The following DCBLD1 variants were observed in gnomAD, a reference collection of about 807,000 sequenced individuals.
DCBLD1 encodes discoidin, CUB and LCCL domain containing 1.
Under a neutral mutation model 71.5 loss-of-function variants are expected in DCBLD1, and 57 were observed. The ratio of observed to expected loss-of-function variants is 0.80; its 90% CI spans 0.64 to 0.99. DCBLD1 has a LOEUF of 0.99. Among genes scored for constraint, DCBLD1 ranks in the 50% least tolerant of loss-of-function variants. The probability of loss-of-function intolerance (pLI) is 0.00; values close to 1 mark genes in which losing one functional copy is unlikely to be tolerated. For missense variants in DCBLD1, 891 were observed against 923.5 expected (o/e 0.96, Z 0.46); for synonymous variants, 380 against 363.8 (o/e 1.04, Z -0.51).
chr6:117,493,825 A>G (rs76520220), intron 1 of DCBLD1, among the ~76,000 whole-genome samples: 4,644 of 152,232 alleles, frequency 0.031, 84 homozygotes, highest in Non-Finnish European at 0.037. Context: ...CAGAATAGAG[A>G]TAATAGGAGG....
intron 2 of DCBLD1, among the ~76,000 whole-genome samples, chr6:117,504,790 A>G (rs1319574262): frequency 6.6e-6 from 1 of 152,196 alleles, no homozygotes; most frequent in Non-Finnish European, 1.5e-5. Context: ...ACAATTTGAA[A>G]ACGATAACAA....
rs532621496 is a variant in DCBLD1 at position 117,492,506 on chromosome 6, G to C, written c.112+9613G>C. Among the ~76,000 whole-genome samples, 22 of 152,244 alleles carry C rather than the reference G, an allele frequency of 1.4e-4. No homozygotes were observed. In the South Asian group the frequency reaches 4.4e-3, roughly 30 times the overall value. ...AAAAAGTTAGAAAAGAAGTCATAGGGGAACACAGTTTGAGGGAGTTACTTA... is the reference window on the plus strand; with the variant it reads ...AAAAAGTTAGAAAAGAAGTCATAGGCGAACACAGTTTGAGGGAGTTACTTA... On this transcript the variant is annotated intron_variant, in intron 1 of 14. Coordinates refer to ENST00000338728, the MANE Select transcript of DCBLD1 (RefSeq NM_001366458.2).
At chr6:117,544,459 T>A (rs752603273) in intron 12 of DCBLD1, 69 bp from the exon 13 acceptor site, 61 of 1,513,104 alleles carry the variant, frequency 4.0e-5, no homozygotes, top group Non-Finnish European at 5.3e-5. Context: ...ATGATCCTTA[T>A]GTTATATAGG....
intron 7 of DCBLD1, among the ~76,000 whole-genome samples, chr6:117,537,870 C>T (rs1778953306): frequency 1.3e-5 from 2 of 151,280 alleles, no homozygotes; most frequent in Admixed American, 1.3e-4. Context: ...AAACTTTTGC[C>T]AAAAAGAATA....
chr6:117,568,026 CA>C (rs779227271), intron 14 of DCBLD1, among the ~76,000 whole-genome samples: 1,320 of 46,660 alleles, frequency 0.028, 22 homozygotes, highest in African/African-American at 0.081. Context: ...CCCATCTCTA[CA>C]AAAAAAAAAA....
At chr6:117,516,685 A>G (rs1197267198) in intron 2 of DCBLD1, among the ~76,000 whole-genome samples, 1 of 152,198 alleles carries the variant, frequency 6.6e-6, no homozygotes, top group African/African-American at 2.4e-5. Flanking sequence ...TGGGCAATTT[A>G]CAAAAGGTTT....
At chr6:117,513,294 G>A (rs935857696) in intron 2 of DCBLD1, among the ~76,000 whole-genome samples, 1 of 152,188 alleles carries the variant, frequency 6.6e-6, no homozygotes, top group Admixed American at 6.5e-5. Flanking sequence ...AACAGGGAAT[G>A]TGCTGAGAGG....
chr6:117,548,129 A>C lies in DCBLD1; in HGVS notation c.1838A>C (p.His613Pro), dbSNP rs1319837041. The change falls in exon 15 of 15, where the codon CAC (histidine) becomes CCC (proline). Residue 613 changes from histidine (H) to proline (P), a missense_variant. His to Pro is a moderately conservative substitution (Grantham distance 77). Coordinates refer to ENST00000338728, the MANE Select transcript of DCBLD1 (RefSeq NM_001366458.2). Reference protein sequence around the residue: ...PIVERHVLRAHTFSAQSGYRV... With the variant: ...PIVERHVLRAPTFSAQSGYRV... Reference sequence around the variant, plus strand: ...GTGGAGCGGCACGTGCTGCGCGCCCACACGTTCTCTGCGCAGAGCGGCTAC... The same window carrying C: ...GTGGAGCGGCACGTGCTGCGCGCCCCCACGTTCTCTGCGCAGAGCGGCTAC... The C allele has an allele frequency of 1.3e-6, 2 of 1,549,878 alleles. No individual in the cohort carries two copies. The highest frequency in any genetic ancestry group is 1.7e-6 in the Non-Finnish European group (2 of 1,146,662).
intron 2 of DCBLD1, among the ~76,000 whole-genome samples, chr6:117,511,633 A>G (rs1417826029): frequency 6.6e-6 from 1 of 152,222 alleles, no homozygotes; most frequent in East Asian, 1.9e-4. Flanking sequence ...TCTGCATGTC[A>G]TTTTTTAGAA....
chr6:117,515,242 C>G (rs1390992493), intron 2 of DCBLD1, among the ~76,000 whole-genome samples: 1 of 151,960 alleles, frequency 6.6e-6, no homozygotes, highest in Admixed American at 6.6e-5. Context: ...AGGCTAGTCT[C>G]GAACTCCTGA....
chr6:117,519,852 T>C lies in DCBLD1; in HGVS notation c.362T>C (p.Leu121Pro), dbSNP rs1340097513. ...YCGSMTVPKE[L>P]LLNTSEVTVR... ...GGAAGTATGACTGTTCCCAAAGAAC[T>C]CTTGTTGAACACAAGTGAAGTAACC... is the stretch of plus-strand genomic sequence containing the variant. Residue 121 changes from leucine (L) to proline (P), a missense_variant, in exon 3 of 15, where the codon CTC becomes CCC. Leu to Pro is a moderately conservative substitution (Grantham distance 98). Coordinates refer to ENST00000338728, the MANE Select transcript of DCBLD1 (RefSeq NM_001366458.2). 6.2e-7 allele frequency: 1 copy of C among 1,614,160 alleles called. No individual in the cohort carries two copies. Among genetic ancestry groups the C allele is most frequent in the East Asian group, 2.2e-5 (1 of 44,880 alleles).
At position 117,548,644 on chromosome 6, in the gene DCBLD1, G is replaced by A. The variant is rs1055910251; in HGVS notation, c.*205G>A. The stretch of plus-strand genomic sequence containing the variant: ...AGCTGGTTTCGTGCTGACCCTTAGG[G>A]TGCGTCTGTTGGGTTTTGTTGGGCT... On this transcript the variant is annotated 3_prime_UTR_variant, in exon 15 of 15. Coordinates refer to ENST00000338728, the MANE Select transcript of DCBLD1 (RefSeq NM_001366458.2). The A allele has an allele frequency of 7.0e-7, 1 of 1,424,286 alleles. No homozygotes were observed. The highest frequency in any genetic ancestry group is 1.4e-5 in the African/African-American group (1 of 69,388). The allele number at this position is 1,424,286 out of a possible 1,614,324, so 88.2% of individuals were successfully genotyped here. A position where few individuals can be genotyped will look rare whatever the true frequency, so the allele number is the denominator to read the frequency against.
intron 6 of DCBLD1, among the ~76,000 whole-genome samples, chr6:117,535,081 G>T (rs1036616680): frequency 6.6e-6 from 1 of 152,174 alleles, no homozygotes; most frequent in Non-Finnish European, 1.5e-5. Flanking sequence ...TACTCCTGGG[G>T]AAACACTGTA....
At chr6:117,539,456 T>C in intron 9 of DCBLD1, 77 bp downstream of exon 9, 1 of 1,453,116 alleles carries the variant, frequency 6.9e-7, no homozygotes, top group South Asian at 1.4e-5. Flanking sequence ...GTGTTTACAT[T>C]AAATATCTCA....
chr6:117,554,891 CAA>C lies in DCBLD1; in HGVS notation c.1615+9309_1615+9310del, dbSNP rs34693828. Among the ~76,000 whole-genome samples the C allele has an allele frequency of 2.4e-3, 327 of 137,502 alleles. 1 individual carries two copies. The highest frequency in any genetic ancestry group is 2.4e-3 in the Admixed American group (33 of 13,916). 90.2% of individuals were successfully genotyped at this position (137,502 alleles called of 152,430 possible). On this transcript the variant is annotated intron_variant, in intron 14 of 14. Transcript: ENST00000296955. ...CTGGCAACAGAGCGAGACTCAGTTG[CAA>C]AAAAAAAAAAAAAATCTTTTGTGAA...
At position 117,541,018 on chromosome 6, in the gene DCBLD1, A is replaced by T; in HGVS notation, c.1350A>T (p.Thr450=). 1 of 1,614,204 alleles carries T rather than the reference A, an allele frequency of 6.2e-7. No individual in the cohort carries two copies. The highest frequency in any genetic ancestry group is 1.7e-4 in the Middle Eastern group (1 of 6,054). ...TITRPIPSEE[T]STGINITTVA... ...CAAGGCCCATCCCCTCGGAAGAAAC[A>T]TCCACAGGTAGAGCCGTGATTGTCT... Residue 450 remains threonine (T), a synonymous_variant, in exon 11 of 15, where the codon ACA becomes ACT. Transcript: ENST00000338728.
At chr6:117,529,419 C>A (rs564287980) in intron 5 of DCBLD1, among the ~76,000 whole-genome samples, 1 of 152,234 alleles carries the variant, frequency 6.6e-6, no homozygotes, top group Non-Finnish European at 1.5e-5. Context: ...CTCTACAGAG[C>A]AGAATGTACA....
chr6:117,482,960 C>T (rs921379774), intron 1 of DCBLD1, 67 bp downstream of exon 1: 35 of 598,060 alleles, frequency 5.9e-5, no homozygotes, highest in African/African-American at 5.7e-4. Context: ...GGCTGCGGGG[C>T]GGGCCGGGCC....
At chr6:117,536,442 C>T (rs1285373279) in intron 6 of DCBLD1, among the ~76,000 whole-genome samples, 1 of 152,132 alleles carries the variant, frequency 6.6e-6, no homozygotes, top group East Asian at 1.9e-4. Flanking sequence ...TTCCTGTGGC[C>T]TTAGGAATGT....
Sources: allele counts gnomAD v4.1 joint callset (sites outside exome capture counted in the v4.1 genomes callset), GRCh38; gene constraint gnomAD v4.1.1; transcripts MANE v1.5; gene names NCBI Gene and HGNC (gene_info 2026-07-23, HGNC 2026-07-21).